Variants in SH3BP4 observed in about 807,000 individuals in gnomAD.
The protein encoded by SH3BP4 is SH3 domain binding protein 4.
Under a neutral mutation model 65.5 loss-of-function variants are expected in SH3BP4, and 33 were observed. The ratio of observed to expected loss-of-function variants is 0.50; its 90% CI spans 0.38 to 0.67. The LOEUF is 0.67. SH3BP4 is among the 30% of genes least tolerant of loss of function. The pLI is 0.00. For synonymous variants in SH3BP4, 552 were observed against 545.5 expected (o/e 1.01, Z -0.17); for missense variants, 1,134 against 1,261.4 (o/e 0.90, Z 1.53).
Position 235,035,174 on chromosome 2 carries a change from G to C in SH3BP4, c.118+54G>C. 1 of 1,366,214 alleles carries C rather than the reference G, an allele frequency of 7.3e-7. No homozygotes were observed. Among genetic ancestry groups the C allele is most frequent in the Middle Eastern group, 1.8e-4 (1 of 5,598 alleles). 84.6% of individuals were successfully genotyped at this position (1,366,214 alleles called of 1,614,324 possible). ...TAAGGGAGAACGTTGGGATTTTCAA[G>C]TTGGGATCCAAGAACTTTTCTGCTT... On this transcript the variant is annotated intron_variant, in intron 3 of 5. Coordinates refer to ENST00000392011, the MANE Select transcript of SH3BP4 (RefSeq NM_014521.3). The surrounding 1 kb of genome is among the most constrained non-coding windows in gnomAD (Gnocchi z 5.0).
intron 5 of SH3BP4, 72 bp from the exon 6 acceptor site, chr2:235,053,520 A>G: frequency 8.4e-7 from 1 of 1,193,748 alleles, no homozygotes; most frequent in South Asian, 1.3e-5. Context: ...AGTAATAGGA[A>G]CAAATCTCGT....
At chr2:234,981,458 C>G (rs1438300207) in intron 1 of SH3BP4, among the ~76,000 whole-genome samples, 3 of 152,184 alleles carry the variant, frequency 2.0e-5, no homozygotes, top group Non-Finnish European at 2.9e-5. Flanking sequence ...ACAGCCAGGC[C>G]AGTGCACACT....
At chr2:235,004,668 G>A (rs1314045972) in intron 2 of SH3BP4, among the ~76,000 whole-genome samples, 2 of 152,176 alleles carry the variant, frequency 1.3e-5, no homozygotes, top group Non-Finnish European at 2.9e-5. Flanking sequence ...ACTGCAGACT[G>A]TTTCCAGGGT....
Position 234,977,820 on chromosome 2 carries a change from C to A in SH3BP4, c.-206-17483C>A, listed in dbSNP as rs1256538674. Among the ~76,000 whole-genome samples the A allele has an allele frequency of 6.6e-6, 1 of 152,140 alleles. No homozygotes were observed. The highest frequency in any genetic ancestry group is 1.5e-5 in the Non-Finnish European group (1 of 68,010). On this transcript the variant is annotated intron_variant, in intron 1 of 5. Coordinates refer to ENST00000392011, the MANE Select transcript of SH3BP4 (RefSeq NM_014521.3). This position sits in a 1 kb window ranked among gnomAD's most constrained non-coding sequence, Gnocchi z 5.1. ...ACACACATGGGCACACACACACATGCGTGCACACACACGCAGACCCTGAGA... is the reference window on the plus strand; with the variant it reads ...ACACACATGGGCACACACACACATGAGTGCACACACACGCAGACCCTGAGA...
At chr2:234,969,914 C>T (rs924747786) in intron 1 of SH3BP4, among the ~76,000 whole-genome samples, 1 of 151,514 alleles carries the variant, frequency 6.6e-6, no homozygotes, top group African/African-American at 2.4e-5. Context: ...TACACACACT[C>T]TGTCACACAC....
chr2:234,984,718 G>A (rs943462154), intron 1 of SH3BP4, among the ~76,000 whole-genome samples: 5 of 152,174 alleles, frequency 3.3e-5, no homozygotes, highest in Non-Finnish European at 7.3e-5. Context: ...GAGTGCCTGT[G>A]TCGTGGACAG....
At chr2:234,955,990 A>C (rs1692577054) in intron 1 of SH3BP4, among the ~76,000 whole-genome samples, 1 of 151,702 alleles carries the variant, frequency 6.6e-6, no homozygotes, top group Non-Finnish European at 1.5e-5. Flanking sequence ...TAAAGAAACA[A>C]ACGGCTCTCA....
chr2:235,011,879 A>C (rs962603847), intron 2 of SH3BP4, among the ~76,000 whole-genome samples: 1 of 152,156 alleles, frequency 6.6e-6, no homozygotes, highest in African/African-American at 2.4e-5. Flanking sequence ...GCAGTTGATT[A>C]GTGTCCGTTG....
At chr2:234,989,919 T>C (rs1693697549) in intron 1 of SH3BP4, among the ~76,000 whole-genome samples, 1 of 152,176 alleles carries the variant, frequency 6.6e-6, no homozygotes, top group South Asian at 2.1e-4. Context: ...TCCAAAATGC[T>C]GCAAACTCTG....
intron 2 of SH3BP4, among the ~76,000 whole-genome samples, chr2:235,010,353 A>G (rs1694440793): frequency 6.6e-6 from 1 of 152,186 alleles, no homozygotes. Context: ...GGAGGCCCGC[A>G]GGGCAAGATG....
At chr2:234,966,628 G>A (rs1471572069) in intron 1 of SH3BP4, among the ~76,000 whole-genome samples, 1 of 152,214 alleles carries the variant, frequency 6.6e-6, no homozygotes. Context: ...TAACCGAGGG[G>A]AATTGGAGAC....
chr2:234,975,196 GTT>G (rs3067097), intron 1 of SH3BP4, among the ~76,000 whole-genome samples: 14,377 of 152,226 alleles, frequency 0.094, 731 homozygotes, highest in African/African-American at 0.11. Flanking sequence ...CAGGGAATTG[GTT>G]TCTTGCCTCC....
intron 4 of SH3BP4, among the ~76,000 whole-genome samples, chr2:235,044,546 C>A (rs1695781796): frequency 6.6e-6 from 1 of 152,178 alleles, no homozygotes; most frequent in Non-Finnish European, 1.5e-5. Flanking sequence ...TGTGGGAAAA[C>A]CCTGTGACCT....
At chr2:234,970,929 G>A (rs1013747767) in intron 1 of SH3BP4, among the ~76,000 whole-genome samples, 9 of 152,038 alleles carry the variant, frequency 5.9e-5, no homozygotes, top group Non-Finnish European at 8.8e-5. Flanking sequence ...TGGCTGCAGC[G>A]TGAGTTACCG....
Position 235,042,396 on chromosome 2 carries a change from T to C in SH3BP4, c.1627T>C (p.Ser543Pro), listed in dbSNP as rs1695692243. 7 of 1,614,000 alleles carry C rather than the reference T, an allele frequency of 4.3e-6. No individual in the cohort carries two copies. Among genetic ancestry groups the C allele is most frequent in the Non-Finnish European group, 5.1e-6 (6 of 1,180,022 alleles). Reference protein sequence around the residue: ...RPQDLKVCMFSNMTNYEVKAS... With the variant: ...RPQDLKVCMFPNMTNYEVKAS... ...CCAGGATCTCAAGGTCTGTATGTTT[T>C]CCAATATGACGAATTACGAGGTCAA... The change falls in exon 4 of 6, where the codon TCC (serine) becomes CCC (proline). Residue 543 changes from serine to proline, a missense_variant. Coordinates refer to ENST00000392011, the MANE Select transcript of SH3BP4 (RefSeq NM_014521.3). This position sits in a 1 kb window ranked among gnomAD's most constrained non-coding sequence, Gnocchi z 7.3.
intron 1 of SH3BP4, among the ~76,000 whole-genome samples, chr2:234,985,811 G>A (rs902803736): frequency 1.3e-5 from 2 of 150,218 alleles, no homozygotes; most frequent in East Asian, 4.0e-4. Flanking sequence ...TGTGACACAC[G>A]CCTACGAGCT....
At position 235,046,070 on chromosome 2, in the gene SH3BP4, T is replaced by C. The variant is rs1185408335; in HGVS notation, c.2478+2823T>C. ...CCCAACCCTGGGGGCCACTGTGCTCTGTGCACCCCTGCCCTGAACACACCC... is the reference window on the plus strand; with the variant it reads ...CCCAACCCTGGGGGCCACTGTGCTCCGTGCACCCCTGCCCTGAACACACCC... On this transcript the variant is annotated intron_variant, in intron 4 of 5. Coordinates refer to ENST00000392011, the MANE Select transcript of SH3BP4 (RefSeq NM_014521.3). The surrounding 1 kb of genome is among the most constrained non-coding windows in gnomAD (Gnocchi z 4.2). 1.3e-5 allele frequency among the ~76,000 whole-genome samples: 2 copies of C among 152,220 alleles called. No individual in the cohort carries two copies. The highest frequency in any genetic ancestry group is 4.8e-5 in the African/African-American group (2 of 41,458).
rs1359458340 is a variant in SH3BP4, at chr2:235,042,153, T to C, written c.1384T>C (p.Tyr462His). 1 of 1,613,944 alleles carries C rather than the reference T, an allele frequency of 6.2e-7. No individual in the cohort carries two copies. Among genetic ancestry groups the C allele is most frequent in the East Asian group, 2.2e-5 (1 of 44,872 alleles). ...CGTGGCCCATGGCCCAAGCATCCTC[T>C]ACCCTTCCACCGTGTGGGACTTCAT... ...AVVAHGPSIL[Y>H]PSTVWDFINK... The change falls in exon 4 of 6, where the codon TAC becomes CAC. Residue 462 changes from tyrosine to histidine, a missense_variant. Transcript: ENST00000392011. This position sits in a 1 kb window ranked among gnomAD's most constrained non-coding sequence, Gnocchi z 7.3.
At chr2:234,990,679 C>T (rs1260367941) in intron 1 of SH3BP4, among the ~76,000 whole-genome samples, 1 of 152,208 alleles carries the variant, frequency 6.6e-6, no homozygotes, top group African/African-American at 2.4e-5. Flanking sequence ...CCTCAGCAAC[C>T]TCTGAGATGG....
Sources: allele counts gnomAD v4.1 joint callset (sites outside exome capture counted in the v4.1 genomes callset), GRCh38; gene constraint gnomAD v4.1.1; non-coding constraint Gnocchi (gnomAD v3.1); transcripts MANE v1.5; gene names NCBI Gene and HGNC (gene_info 2026-07-23, HGNC 2026-07-21).